SDK1: variants seen among roughly 807,000 people sequenced by gnomAD.
The protein encoded by SDK1 is sidekick cell adhesion molecule 1.
A neutral mutation model predicts 245.5 loss-of-function variants in SDK1; 157 were observed. That is an observed-to-expected ratio of 0.64 (90% confidence interval 0.56 to 0.73). The LOEUF (loss-of-function observed/expected upper bound fraction) is 0.73. Among genes scored for constraint, SDK1 ranks in the 30% least tolerant of loss-of-function variants. The pLI is 0.00. For synonymous variants in SDK1, 1,647 were observed against 1,278.5 expected (o/e 1.29, Z -6.15); for missense variants, 3,583 against 3,002.3 (o/e 1.19, Z -4.52).
At chr7:3,984,682 G>A (rs112555449) in intron 13 of SDK1, among the ~76,000 whole-genome samples, 3 of 152,222 alleles carry the variant, frequency 2.0e-5, no homozygotes, top group African/African-American at 4.8e-5. Context: ...CTCCTACTGT[G>A]TGTGTCTGCA....
At chr7:4,149,752 G>T (rs1048185379) in intron 30 of SDK1, among the ~76,000 whole-genome samples, 2 of 152,140 alleles carry the variant, frequency 1.3e-5, no homozygotes, top group Non-Finnish European at 1.5e-5. Flanking sequence ...GGTGATGGGG[G>T]GCAGGCTGGA....
rs373211712 is a variant in SDK1, at chr7:4,132,278, A to G, written c.4130-47A>G. 11 of 1,478,460 alleles carry G rather than the reference A, an allele frequency of 7.4e-6. No homozygotes were observed. In the African/African-American group the frequency reaches 1.2e-4, roughly 17 times the overall value. 91.6% of individuals were successfully genotyped at this position (1,478,460 alleles called of 1,614,324 possible). ...ATCCTGTGTAACCTGTCACGCACCCAAGGAACACTGTCTTGAGATCTGAAT... is the reference window on the plus strand; with the variant it reads ...ATCCTGTGTAACCTGTCACGCACCCGAGGAACACTGTCTTGAGATCTGAAT... On this transcript the variant is annotated intron_variant, in intron 27 of 44. Transcript: ENST00000404826.
chr7:3,911,083 G>C (rs1779146359), intron 5 of SDK1, among the ~76,000 whole-genome samples: 1 of 152,180 alleles, frequency 6.6e-6, no homozygotes, highest in Admixed American at 6.5e-5. Flanking sequence ...GGGGGACTAG[G>C]GTGGCCCGGC....
intron 4 of SDK1, among the ~76,000 whole-genome samples, chr7:3,680,867 G>A (rs1784077709): frequency 6.6e-6 from 1 of 151,938 alleles, no homozygotes; most frequent in Non-Finnish European, 1.5e-5. Context: ...TTTTTGAGAT[G>A]GAGTCTCGCT....
intron 1 of SDK1, among the ~76,000 whole-genome samples, chr7:3,473,132 G>A (rs983729965): frequency 9.2e-5 from 14 of 152,180 alleles, no homozygotes; most frequent in African/African-American, 3.1e-4. Flanking sequence ...GCCTTGTGAG[G>A]AAGGTCAGCA....
At chr7:3,457,336 C>T (rs1416724973) in intron 1 of SDK1, among the ~76,000 whole-genome samples, 1 of 152,162 alleles carries the variant, frequency 6.6e-6, no homozygotes, top group Non-Finnish European at 1.5e-5. Flanking sequence ...CCTCTTTCCA[C>T]CTTTCTTCTT....
chr7:3,744,109 C>T (rs1248042663), intron 4 of SDK1, among the ~76,000 whole-genome samples: 3 of 152,128 alleles, frequency 2.0e-5, no homozygotes, highest in African/African-American at 7.2e-5. Context: ...CAGGATCCTT[C>T]CGCTTGCTGT....
At chr7:3,688,290 G>T (rs906345555) in intron 4 of SDK1, among the ~76,000 whole-genome samples, 1 of 130,510 alleles carries the variant, frequency 7.7e-6, no homozygotes, top group African/African-American at 2.9e-5. Context: ...TCAATGCAGT[G>T]TGGTGGTTGA....
intron 17 of SDK1, among the ~76,000 whole-genome samples, chr7:4,042,222 C>T (rs1036407366): frequency 1.5e-5 from 2 of 136,212 alleles, no homozygotes; most frequent in Non-Finnish European, 3.0e-5. Flanking sequence ...CAGTGAGAGA[C>T]CACTGCACTG....
intron 1 of SDK1, among the ~76,000 whole-genome samples, chr7:3,436,954 T>TTTTATTG (rs1472373169): frequency 6.6e-6 from 1 of 152,196 alleles, no homozygotes; most frequent in Admixed American, 6.5e-5. Context: ...ATGTAGAACA[T>TTTTATTG]AGAATGTCTA....
At chr7:3,593,277 C>G (rs1780944133) in intron 1 of SDK1, among the ~76,000 whole-genome samples, 3 of 152,172 alleles carry the variant, frequency 2.0e-5, no homozygotes, top group African/African-American at 7.2e-5. Context: ...AGCACTGCCC[C>G]TGTGCTTCCC....
intron 1 of SDK1, among the ~76,000 whole-genome samples, chr7:3,306,873 A>G (rs1013527041): frequency 2.6e-5 from 4 of 152,132 alleles, no homozygotes; most frequent in Non-Finnish European, 2.9e-5. Context: ...GCTGACTGAA[A>G]CTAGAGAATG....
intron 4 of SDK1, among the ~76,000 whole-genome samples, chr7:3,659,173 T>C (rs924232624): frequency 6.6e-6 from 1 of 152,178 alleles, no homozygotes; most frequent in Non-Finnish European, 1.5e-5. Context: ...ACCGGGTTCT[T>C]TTTTGGTGCC....
chr7:3,815,659 C>G (rs1337999834), intron 4 of SDK1, among the ~76,000 whole-genome samples: 1 of 151,580 alleles, frequency 6.6e-6, no homozygotes, highest in African/African-American at 2.4e-5. Context: ...CCCTCTTTTT[C>G]TATTGATTGG....
intron 25 of SDK1, among the ~76,000 whole-genome samples, chr7:4,123,130 G>T (rs1172218233): frequency 6.6e-6 from 1 of 152,132 alleles, no homozygotes; most frequent in African/African-American, 2.4e-5. Flanking sequence ...TAGGTCTATA[G>T]GGAGAATTGG....
At chr7:3,677,581 C>T (rs575793239) in intron 4 of SDK1, among the ~76,000 whole-genome samples, 18 of 152,332 alleles carry the variant, frequency 1.2e-4, no homozygotes, top group Admixed American at 3.9e-4. Context: ...CAATTATCTC[C>T]ACCTGGCCCT....
rs1204200723 is a variant in SDK1, at chr7:3,800,358, C to CTTATTTAT, written c.714-21089_714-21088insTTTATTTA. ...TACACTAATCGCCATCTTTTACTTA[C>CTTATTTAT]TTACTTACTTACTTATTTATTTATT... is the stretch of plus-strand genomic sequence containing the variant. On this transcript the variant is annotated intron_variant, in intron 4 of 44. Coordinates refer to ENST00000404826, the MANE Select transcript of SDK1 (RefSeq NM_152744.4). Among the ~76,000 whole-genome samples the CTTATTTAT allele has an allele frequency of 4.1e-4, 61 of 147,634 alleles. 1 individual carries two copies. The highest frequency in any genetic ancestry group is 1.5e-3 in the South Asian group (7 of 4,580).
chr7:3,625,912 C>T (rs908845816), intron 2 of SDK1, among the ~76,000 whole-genome samples: 1 of 150,798 alleles, frequency 6.6e-6, no homozygotes, highest in South Asian at 2.1e-4. Context: ...AAGGTAGAGC[C>T]AGAAGGATTT....
chr7:3,736,282 A>G (rs1453135296), intron 4 of SDK1, among the ~76,000 whole-genome samples: 1 of 152,062 alleles, frequency 6.6e-6, no homozygotes, highest in Admixed American at 6.6e-5. Context: ...AAACTTTATA[A>G]TGAGACATTA....
Sources: gnomAD v4.1 joint callset for allele counts (sites outside exome capture counted in the v4.1 genomes callset) on GRCh38, gnomAD v4.1.1 for gene constraint, MANE v1.5 for transcripts, NCBI Gene and HGNC (gene_info 2026-07-23, HGNC 2026-07-21) for gene names.